The following RASGRF2 variants were observed in gnomAD, a reference collection of about 807,000 sequenced individuals.
The protein encoded by RASGRF2 is ras-specific guanine nucleotide-releasing factor 2.
RASGRF2 carries 76 observed loss-of-function variants against 151.0 expected under a neutral mutation model. The ratio of observed to expected loss-of-function variants is 0.50; its 90% CI spans 0.42 to 0.61. RASGRF2 has a LOEUF of 0.61. Ranked by LOEUF, RASGRF2 falls within the 20% of genes least tolerant of loss-of-function variation. The pLI is 0.00. For synonymous variants in RASGRF2, 504 were observed against 566.5 expected (o/e 0.89, Z 1.57); for missense variants, 1,148 against 1,564.6 (o/e 0.73, Z 4.49).
At chr5:81,140,941 G>T (rs886154518) in intron 17 of RASGRF2, among the ~76,000 whole-genome samples, 1 of 151,760 alleles carries the variant, frequency 6.6e-6, no homozygotes, top group African/African-American at 2.4e-5. Context: ...CCTGCAGATT[G>T]TTGCCATGAG....
intron 18 of RASGRF2, among the ~76,000 whole-genome samples, chr5:81,200,782 A>G (rs57403361): frequency 6.6e-6 from 1 of 152,360 alleles, no homozygotes; most frequent in Middle Eastern, 3.4e-3. Context: ...GGGTGAATTA[A>G]GAAGACTCCA....
At chr5:81,032,494 ATG>A (rs1750299333) in intron 1 of RASGRF2, among the ~76,000 whole-genome samples, 2 of 152,340 alleles carry the variant, frequency 1.3e-5, no homozygotes, top group Admixed American at 6.5e-5. Flanking sequence ...GGTTCAATAT[ATG>A]CAAATCAATA....
At chr5:81,116,047 C>G (rs1050617851) in intron 15 of RASGRF2, among the ~76,000 whole-genome samples, 9 of 130,630 alleles carry the variant, frequency 6.9e-5, no homozygotes, top group African/African-American at 2.5e-4. Context: ...GTGGTAATCA[C>G]TAGTGGTGAA....
In RASGRF2 at chr5:81,077,670, G is replaced by A. The variant is rs1387365681; in HGVS notation, c.888-2451G>A. On this transcript the variant is annotated intron_variant, in intron 5 of 26. Transcript: ENST00000265080. ...TCCTCAGGCAGTACAGCATTCTGGTGATACTTCAGTCACCAAGTGTGCAGT... is the reference window on the plus strand; with the variant it reads ...TCCTCAGGCAGTACAGCATTCTGGTAATACTTCAGTCACCAAGTGTGCAGT... Among the ~76,000 whole-genome samples, 7 of 152,220 alleles carry A rather than the reference G, an allele frequency of 4.6e-5. No homozygotes were observed. The East Asian group carries it at 1.3e-3, about 29-fold the overall frequency.
chr5:81,102,465 C>A (rs142734593), intron 12 of RASGRF2, among the ~76,000 whole-genome samples: 1 of 152,066 alleles, frequency 6.6e-6, no homozygotes, highest in Non-Finnish European at 1.5e-5. Flanking sequence ...GAGGCCAAGG[C>A]GGGTGGATCA....
At chr5:81,096,435 T>C (rs1029919677) in intron 12 of RASGRF2, 4 of 152,206 alleles carry the variant, frequency 2.6e-5, no homozygotes, top group East Asian at 1.9e-4. Flanking sequence ...AATACGACCA[T>C]GGTTCTTGCT....
At chr5:81,089,948 A>C (rs1185848943) in intron 9 of RASGRF2, among the ~76,000 whole-genome samples, 1 of 152,250 alleles carries the variant, frequency 6.6e-6, no homozygotes, top group Non-Finnish European at 1.5e-5. Flanking sequence ...ATTTAGTAGA[A>C]GATAAAGGCA....
intron 18 of RASGRF2, among the ~76,000 whole-genome samples, chr5:81,189,614 C>T (rs1755110316): frequency 6.6e-6 from 1 of 151,814 alleles, no homozygotes. Flanking sequence ...CCACCTCCGC[C>T]TCCCAAAGTG....
chr5:81,119,610 C>T (rs1370941651), intron 15 of RASGRF2, among the ~76,000 whole-genome samples: 2 of 152,142 alleles, frequency 1.3e-5, no homozygotes, highest in East Asian at 1.9e-4. Flanking sequence ...ACACAGGCTT[C>T]GAAGACCTGT....
At chr5:80,990,653 T>C (rs188920365) in intron 1 of RASGRF2, among the ~76,000 whole-genome samples, 1 of 152,296 alleles carries the variant, frequency 6.6e-6, no homozygotes, top group Non-Finnish European at 1.5e-5. Context: ...CTGTTTGGTG[T>C]TGTCCTTTTG....
intron 17 of RASGRF2, among the ~76,000 whole-genome samples, chr5:81,172,775 G>A (rs1277637095): frequency 1.3e-5 from 2 of 152,088 alleles, no homozygotes; most frequent in African/African-American, 4.8e-5. Flanking sequence ...CAAAATGCAA[G>A]GATTTGTTTG....
chr5:81,127,222 G>T (rs559095678), intron 17 of RASGRF2, 59 bp downstream of exon 17: 8 of 1,493,418 alleles, frequency 5.4e-6, no homozygotes, highest in Non-Finnish European at 7.4e-6. Flanking sequence ...TCAGTGGCCC[G>T]TGTCTGCCAG....
At chr5:81,049,788 G>T (rs934436147) in intron 2 of RASGRF2, among the ~76,000 whole-genome samples, 8 of 152,166 alleles carry the variant, frequency 5.3e-5, no homozygotes, top group African/African-American at 1.9e-4. Context: ...GTAAACGATA[G>T]AGCTGGAATC....
chr5:81,001,595 C>T (rs1749083280), intron 1 of RASGRF2, among the ~76,000 whole-genome samples: 1 of 152,160 alleles, frequency 6.6e-6, no homozygotes, highest in Non-Finnish European at 1.5e-5. Context: ...GACCCTATTC[C>T]TGGGCTATTG....
At chr5:81,196,698 C>A (rs1755273443) in intron 18 of RASGRF2, among the ~76,000 whole-genome samples, 1 of 144,742 alleles carries the variant, frequency 6.9e-6, no homozygotes, top group Non-Finnish European at 1.5e-5. Flanking sequence ...CACTAATTGA[C>A]CCTCAGCACG....
rs567128703 is a variant in RASGRF2, at chr5:81,036,032, T to C, written c.289-6845T>C. Among the ~76,000 whole-genome samples the C allele has an allele frequency of 2.1e-4, 32 of 152,310 alleles. 1 individual carries two copies. The South Asian group carries it at 6.4e-3, about 31-fold the overall frequency. On this transcript the variant is annotated intron_variant, in intron 1 of 26. Coordinates refer to ENST00000265080, the MANE Select transcript of RASGRF2 (RefSeq NM_006909.3). ...TTATTTCAGAAGACATTTTTAGAAT[T>C]ACCATTTTTTAAAAAAGGCACAAAT... is the stretch of plus-strand genomic sequence containing the variant.
intron 17 of RASGRF2, among the ~76,000 whole-genome samples, chr5:81,141,616 T>A (rs1371913910): frequency 6.6e-6 from 1 of 152,216 alleles, no homozygotes; most frequent in East Asian, 1.9e-4. Flanking sequence ...CTTGAATTGC[T>A]TAATTTTGTT....
Position 81,042,937 on chromosome 5 carries a change from G to A in RASGRF2, c.349G>A (p.Glu117Lys). The A allele has an allele frequency of 6.2e-7, 1 of 1,613,070 alleles. No homozygotes were observed. Among genetic ancestry groups the A allele is most frequent in the Non-Finnish European group, 8.5e-7 (1 of 1,179,666 alleles). Residue 117 changes from glutamate to lysine, a missense_variant, in exon 2 of 27, where the codon GAG (glutamate) becomes AAG (lysine). Physicochemically the swap from Glu to Lys is moderately conservative, Grantham distance 56. Transcript: ENST00000265080. ...GQKPLELRCE[E>K]EQDGKEWMEA... Reference sequence around the variant, plus strand: ...GAAGCCACTGGAGCTGCGCTGTGAGGAGGAGCAGGATGGTAAAGAGTGGAT... The same window carrying A: ...GAAGCCACTGGAGCTGCGCTGTGAGAAGGAGCAGGATGGTAAAGAGTGGAT...
intron 16 of RASGRF2, among the ~76,000 whole-genome samples, chr5:81,124,739 C>A (rs1753404680): frequency 6.6e-6 from 1 of 152,140 alleles, no homozygotes; most frequent in Non-Finnish European, 1.5e-5. Context: ...TAATTATCTC[C>A]CATTTTCCCC....
Sources: allele counts gnomAD v4.1 joint callset (sites outside exome capture counted in the v4.1 genomes callset), GRCh38; gene constraint gnomAD v4.1.1; transcripts MANE v1.5; gene names NCBI Gene and HGNC (gene_info 2026-07-23, HGNC 2026-07-21).